Variants in SFSWAP observed in about 807,000 individuals in gnomAD.
SFSWAP encodes splicing factor SWAP.
Under a neutral mutation model 100.7 loss-of-function variants are expected in SFSWAP, and 17 were observed. The observed-to-expected ratio is 0.17, with a 90% confidence interval of 0.12 to 0.25. The LOEUF (loss-of-function observed/expected upper bound fraction) is 0.25, where lower values mean the gene tolerates loss of function less well. Ranked by LOEUF, SFSWAP falls within the 10% of genes least tolerant of loss-of-function variation. The probability of loss-of-function intolerance (pLI) is 1.00; values close to 1 mark genes in which losing one functional copy is unlikely to be tolerated. For missense variants in SFSWAP, 1,005 were observed against 1,262.6 expected, an observed-to-expected ratio of 0.80 and a Z score of 3.09; for synonymous variants, 504 against 510.1, an observed-to-expected ratio of 0.99 and a Z score of 0.16.
At chr12:131,744,846 AG>A (rs1269849901) in intron 7 of SFSWAP, among the ~76,000 whole-genome samples, 1 of 152,236 alleles carries the variant, frequency 6.6e-6, no homozygotes, top group Non-Finnish European at 1.5e-5. Flanking sequence ...GAAGGCAAGG[AG>A]GAGCAAAGTC....
chr12:131,767,677 T>A (rs191612672), intron 13 of SFSWAP, among the ~76,000 whole-genome samples: 1 of 152,368 alleles, frequency 6.6e-6, no homozygotes, highest in East Asian at 1.9e-4. Context: ...AAAATCATTT[T>A]ATAAAATCTT....
intron 13 of SFSWAP, among the ~76,000 whole-genome samples, chr12:131,777,478 A>C (rs557364201): frequency 6.6e-6 from 1 of 152,120 alleles, no homozygotes; most frequent in Non-Finnish European, 1.5e-5. Context: ...TGAACTCATC[A>C]TTTTTTATGG....
chr12:131,777,145 A>T (rs1282755736), intron 13 of SFSWAP, among the ~76,000 whole-genome samples: 1 of 151,544 alleles, frequency 6.6e-6, no homozygotes, highest in African/African-American at 2.4e-5. Flanking sequence ...CTTAAGAACT[A>T]TTTTTTTTTA....
At position 131,726,988 on chromosome 12, in the gene SFSWAP, G is replaced by A. The variant is rs1478450866; in HGVS notation, c.881G>A (p.Gly294Glu). ...GAAGATGATGATGATGAAGAAGATG[G>A]GAATTACCTTCATCCCTCTCTCTTT... is the stretch of plus-strand genomic sequence containing the variant. ...DNEDDDDEED[G>E]NYLHPSLFAS... Residue 294 changes from glycine to glutamate, a missense_variant, in exon 6 of 18, where the codon GGG (glycine) becomes GAG (glutamate). Gly to Glu is a moderately conservative substitution (Grantham distance 98, BLOSUM62 -2). Transcript: ENST00000261674. The A allele has an allele frequency of 2.5e-6, 4 of 1,607,852 alleles. No homozygotes were observed. Among genetic ancestry groups the A allele is most frequent in the Admixed American group, 3.4e-5 (2 of 58,918 alleles).
At chr12:131,716,359 C>T (rs1003281873) in intron 3 of SFSWAP, among the ~76,000 whole-genome samples, 3 of 152,186 alleles carry the variant, frequency 2.0e-5, no homozygotes, top group African/African-American at 4.8e-5. Context: ...TCAGAAGTTA[C>T]GATGCACTAG....
intron 16 of SFSWAP, 152 bp downstream of exon 16, chr12:131,797,512 A>C (rs1885772292): frequency 1.5e-6 from 1 of 688,890 alleles, no homozygotes; most frequent in Non-Finnish European, 2.4e-6. Flanking sequence ...TCTAGCAAGG[A>C]AGTCGCCCTA....
chr12:131,781,515 G>A, intron 14 of SFSWAP, among the ~76,000 whole-genome samples: 1 of 152,136 alleles, frequency 6.6e-6, no homozygotes, highest in Non-Finnish European at 1.5e-5. Context: ...GGGATTACAG[G>A]CGTGAGCCAC....
At chr12:131,786,155 T>G (rs780346809) in intron 14 of SFSWAP, among the ~76,000 whole-genome samples, 4 of 152,194 alleles carry the variant, frequency 2.6e-5, no homozygotes, top group Non-Finnish European at 5.9e-5. Flanking sequence ...TGGTTGCCAT[T>G]GACCACGTGA....
chr12:131,770,829 C>G (rs1417779058), intron 13 of SFSWAP, among the ~76,000 whole-genome samples: 1 of 152,136 alleles, frequency 6.6e-6, no homozygotes, highest in Admixed American at 6.6e-5. Context: ...ACTCTGTAGC[C>G]ATTAAATAGT....
intron 13 of SFSWAP, among the ~76,000 whole-genome samples, chr12:131,768,064 C>A (rs1287563091): frequency 6.6e-6 from 1 of 152,202 alleles, no homozygotes; most frequent in Admixed American, 6.5e-5. Context: ...TATATGTGCG[C>A]ACGTTGACCC....
At chr12:131,755,607 T>A in intron 10 of SFSWAP, 128 bp downstream of exon 10, 1 of 652,988 alleles carries the variant, frequency 1.5e-6, no homozygotes, top group Admixed American at 2.8e-5. Flanking sequence ...TTTTTTAATG[T>A]GTGTCTGGCA....
chr12:131,787,636 CAG>C (rs1884985884), intron 15 of SFSWAP, among the ~76,000 whole-genome samples: 1 of 152,192 alleles, frequency 6.6e-6, no homozygotes, highest in African/African-American at 2.4e-5. Context: ...TCAGGACACT[CAG>C]GGTCCCAGAG....
Position 131,774,550 on chromosome 12 carries a change from A to G in SFSWAP, c.2143-3515A>G, listed in dbSNP as rs560270714. On this transcript the variant is annotated intron_variant, in intron 13 of 17. Coordinates refer to ENST00000261674, the MANE Select transcript of SFSWAP (RefSeq NM_004592.4). ...AACCAATGTACGTCTGCCCCCCTAC[A>G]TTCAAACATGACTTCCGTTTTGATC... 3.3e-5 allele frequency among the ~76,000 whole-genome samples: 5 copies of G among 152,308 alleles called. No homozygotes were observed. In the East Asian group the frequency reaches 9.6e-4, roughly 29 times the overall value.
chr12:131,774,451 C>T (rs1883855743), intron 13 of SFSWAP, among the ~76,000 whole-genome samples: 1 of 152,062 alleles, frequency 6.6e-6, no homozygotes, highest in African/African-American at 2.4e-5. Context: ...CAGAAGTGGC[C>T]GGCGGTAAGC....
In SFSWAP at chr12:131,764,587, A is replaced by C. The variant is rs909764960; in HGVS notation, c.1852A>C (p.Ser618Arg). 5 of 1,614,136 alleles carry C rather than the reference A, an allele frequency of 3.1e-6. No homozygotes were observed. Among genetic ancestry groups the C allele is most frequent in the Non-Finnish European group, 4.2e-6 (5 of 1,180,044 alleles). ...EESKEGQESS[S>R]SAANTNPAVA... Reference sequence around the variant, plus strand: ...AAGCAAAGAAGGCCAAGAAAGTTCTAGTAGTGCTGCAAACACTAACCCAGC... The same window carrying C: ...AAGCAAAGAAGGCCAAGAAAGTTCTCGTAGTGCTGCAAACACTAACCCAGC... Residue 618 changes from serine to arginine, a missense_variant, in exon 12 of 18, where the codon AGT (serine) becomes CGT (arginine). Ser to Arg is a moderately radical substitution (Grantham distance 110). Coordinates refer to ENST00000261674, the MANE Select transcript of SFSWAP (RefSeq NM_004592.4).
intron 7 of SFSWAP, among the ~76,000 whole-genome samples, chr12:131,737,734 A>T (rs1309820330): frequency 6.6e-6 from 1 of 151,982 alleles, no homozygotes; most frequent in Non-Finnish European, 1.5e-5. Flanking sequence ...CTTCCTACTG[A>T]TGGAGATTTT....
intron 7 of SFSWAP, among the ~76,000 whole-genome samples, chr12:131,747,134 C>T (rs951300230): frequency 1.0e-4 from 15 of 146,100 alleles, no homozygotes; most frequent in African/African-American, 3.6e-4. Context: ...ATGCCATGCT[C>T]GTTACCATTC....
chr12:131,739,536 CTTTTTTTTTTT>C (rs777610140), intron 7 of SFSWAP, among the ~76,000 whole-genome samples: 788 of 60,874 alleles, frequency 0.013, 7 homozygotes, highest in African/African-American at 0.048. Context: ...TCCCCAGTTG[CTTTTTTTTTTT>C]TTTTTTTTTT....
At chr12:131,716,735 A>G (rs1217439695) in intron 3 of SFSWAP, among the ~76,000 whole-genome samples, 1 of 152,224 alleles carries the variant, frequency 6.6e-6, no homozygotes, top group Non-Finnish European at 1.5e-5. Flanking sequence ...GAAACACCAT[A>G]TGGCCCACAA....
Sources: allele counts gnomAD v4.1 joint callset (sites outside exome capture counted in the v4.1 genomes callset), GRCh38; gene constraint gnomAD v4.1.1; transcripts MANE v1.5; gene names NCBI Gene and HGNC (gene_info 2026-07-23, HGNC 2026-07-21).